The following RASEF variants were observed in gnomAD, a reference collection of about 807,000 sequenced individuals.
RASEF encodes the protein RAS and EF-hand domain containing.
RASEF carries 68 observed loss-of-function variants against 90.1 expected under a neutral mutation model. That is an observed-to-expected ratio of 0.75 (90% confidence interval 0.62 to 0.92). RASEF has a LOEUF of 0.92. Ranked by LOEUF, RASEF falls within the 40% of genes least tolerant of loss-of-function variation. The probability of loss-of-function intolerance (pLI) is 0.00; values close to 1 mark genes in which losing one functional copy is unlikely to be tolerated. For synonymous variants in RASEF, 331 were observed against 345.2 expected (o/e 0.96, Z 0.46); for missense variants, 949 against 937.2 (o/e 1.01, Z -0.16).
At chr9:83,117,056 A>G in the RASEF span, among the ~76,000 whole-genome samples, 1 of 152,226 alleles carries the variant, frequency 6.6e-6, no homozygotes, top group Non-Finnish European at 1.5e-5. Context: ...AATTATAAGG[A>G]AGAGAGTCGA....
the RASEF span, among the ~76,000 whole-genome samples, chr9:83,218,692 G>A: frequency 5.3e-5 from 8 of 152,144 alleles, no homozygotes; most frequent in Non-Finnish European, 1.0e-4. Flanking sequence ...TGGCAAGCTC[G>A]CCCCCAGATG....
the RASEF span, among the ~76,000 whole-genome samples, chr9:83,103,387 T>C: frequency 2.3e-4 from 35 of 152,314 alleles, no homozygotes; most frequent in African/African-American, 8.4e-4. Context: ...ATTTTAACAG[T>C]GTAAAACAGA....
intron 1 of RASEF, among the ~76,000 whole-genome samples, chr9:83,031,738 A>G (rs1829651477): frequency 6.6e-6 from 1 of 152,236 alleles, no homozygotes; most frequent in African/African-American, 2.4e-5. Flanking sequence ...CCACGTTACA[A>G]GAGGACTCCT....
chr9:83,029,748 C>T (rs1437393576), intron 1 of RASEF, among the ~76,000 whole-genome samples: 1 of 151,972 alleles, frequency 6.6e-6, no homozygotes, highest in Non-Finnish European at 1.5e-5. Flanking sequence ...TTGATCTGTA[C>T]AGAGGCCAAT....
intron 1 of RASEF, among the ~76,000 whole-genome samples, chr9:83,036,001 C>T (rs1125915): frequency 0.61 from 92,435 of 152,102 alleles, 28,840 homozygotes; most frequent in African/African-American, 0.76. Flanking sequence ...TGCATTAAAA[C>T]AATCCAGGGT....
the RASEF span, among the ~76,000 whole-genome samples, chr9:83,173,881 G>C: frequency 6.6e-6 from 1 of 151,746 alleles, no homozygotes; most frequent in African/African-American, 2.4e-5. Flanking sequence ...CAATTCTTTA[G>C]AGGGCTGATT....
intron 7 of RASEF, 70 bp downstream of exon 7, chr9:83,007,367 T>C (rs1460565744): frequency 5.4e-5 from 65 of 1,208,188 alleles, no homozygotes; most frequent in Non-Finnish European, 7.5e-5. Context: ...ACGTTCTATG[T>C]GTTATGTCTT....
intron 1 of RASEF, among the ~76,000 whole-genome samples, chr9:83,059,629 T>C (rs1830170957): frequency 1.3e-5 from 2 of 152,052 alleles, no homozygotes; most frequent in South Asian, 4.2e-4. Context: ...ACCCACACAT[T>C]TTCTTCCTAC....
intron 1 of RASEF, among the ~76,000 whole-genome samples, chr9:83,041,442 C>T (rs920128428): frequency 6.6e-6 from 1 of 152,094 alleles, no homozygotes; most frequent in Admixed American, 6.5e-5. Context: ...TGAAAACATA[C>T]AAAAATAGAT....
At chr9:83,098,643 T>A in the RASEF span, among the ~76,000 whole-genome samples, 4 of 152,210 alleles carry the variant, frequency 2.6e-5, no homozygotes. Context: ...GAAACAGGTT[T>A]AATTGACTCA....
the RASEF span, among the ~76,000 whole-genome samples, chr9:83,121,865 C>A: frequency 6.6e-6 from 1 of 152,168 alleles, no homozygotes; most frequent in Admixed American, 6.5e-5. Context: ...TAGGTTCCCA[C>A]AAGTTATCCC....
intron 9 of RASEF, 23 bp from the exon 10 acceptor site, chr9:83,001,153 A>C (rs1564072839): frequency 6.4e-7 from 1 of 1,559,702 alleles, no homozygotes; most frequent in Non-Finnish European, 8.8e-7. Context: ...GGGAAGACCA[A>C]TTTACCTGAG....
At chr9:82,982,903 G>A (rs1359613554) in intron 16 of RASEF, 121 bp from the exon 17 acceptor site, 22 of 687,238 alleles carry the variant, frequency 3.2e-5, no homozygotes, top group Non-Finnish European at 5.6e-5. Flanking sequence ...CTGAGTGTCT[G>A]CACGGCCTTA....
chr9:83,014,197 G>A (rs1829301328), intron 4 of RASEF, among the ~76,000 whole-genome samples: 2 of 152,146 alleles, frequency 1.3e-5, no homozygotes, highest in Non-Finnish European at 2.9e-5. Flanking sequence ...TTAGATATAA[G>A]GTTCAAATTG....
chr9:83,155,923 C>T, the RASEF span, among the ~76,000 whole-genome samples: 1 of 152,148 alleles, frequency 6.6e-6, no homozygotes, highest in African/African-American at 2.4e-5. Flanking sequence ...AAAAAGAACA[C>T]CAGCTCTCAG....
the RASEF span, among the ~76,000 whole-genome samples, chr9:83,114,586 C>G: frequency 6.6e-6 from 1 of 152,182 alleles, no homozygotes; most frequent in African/African-American, 2.4e-5. Flanking sequence ...TTTTTCTCAA[C>G]AAGGAACATC....
Position 82,990,471 on chromosome 9 carries a change from T to TA in RASEF, c.2041-5dup, listed in dbSNP as rs1247417847. ...CACAGAATAATGCCCCATACGTCTG[T>TA]AAAAAAGAAATACACACAATTAAAT... On this transcript the variant is annotated splice_region_variant and splice_polypyrimidine_tract_variant and intron_variant, in intron 15 of 16. Coordinates refer to ENST00000376447, the MANE Select transcript of RASEF (RefSeq NM_152573.4). The TA allele has an allele frequency of 3.1e-6, 5 of 1,606,946 alleles. No homozygotes were observed. The African/African-American group carries it at 6.7e-5, about 22-fold the overall frequency.
At chr9:83,024,732 C>T (rs1829511003) in intron 2 of RASEF, among the ~76,000 whole-genome samples, 1 of 152,162 alleles carries the variant, frequency 6.6e-6, no homozygotes, top group Non-Finnish European at 1.5e-5. Flanking sequence ...TATTTCATAC[C>T]AAGAATTTAA....
chr9:83,014,874 TC>T (rs1829316313), intron 4 of RASEF, among the ~76,000 whole-genome samples: 1 of 152,064 alleles, frequency 6.6e-6, no homozygotes, highest in Non-Finnish European at 1.5e-5. Flanking sequence ...TCCCTTCCCC[TC>T]CACCCACTAT....
Sources: allele counts gnomAD v4.1 joint callset (sites outside exome capture counted in the v4.1 genomes callset), GRCh38; gene constraint gnomAD v4.1.1; transcripts MANE v1.5; gene names NCBI Gene and HGNC (gene_info 2026-07-23, HGNC 2026-07-21).